The following PTPRE variants were observed in gnomAD, a reference collection of about 807,000 sequenced individuals.
PTPRE encodes receptor-type tyrosine-protein phosphatase epsilon.
PTPRE carries 51 observed loss-of-function variants against 102.0 expected under a neutral mutation model. That is an observed-to-expected ratio of 0.50 (90% CI 0.40 to 0.63). The LOEUF is 0.63. Ranked by LOEUF, PTPRE falls within the 30% of genes least tolerant of loss-of-function variation. The probability of loss-of-function intolerance (pLI) is 0.00; values close to 1 mark genes in which losing one functional copy is unlikely to be tolerated. For missense variants in PTPRE, 752 were observed against 915.1 expected, an observed-to-expected ratio of 0.82 and a Z score of 2.30; for synonymous variants, 345 against 348.2, an observed-to-expected ratio of 0.99 and a Z score of 0.10.
Position 128,008,172 on chromosome 10 carries a change from A to AAC in PTPRE, c.-8+25878_-8+25879dup, listed in dbSNP as rs1844658375. 6.6e-6 allele frequency among the ~76,000 whole-genome samples: 1 copy of AAC among 152,112 alleles called. No homozygotes were observed. Among genetic ancestry groups the AAC allele is most frequent in the Non-Finnish European group, 1.5e-5 (1 of 67,992 alleles). On this transcript the variant is annotated intron_variant, in intron 2 of 20. Coordinates refer to ENST00000254667, the MANE Select transcript of PTPRE (RefSeq NM_006504.6). The surrounding 1 kb of genome is among the most constrained non-coding windows in gnomAD (Gnocchi z 4.0). Reference sequence around the variant, plus strand: ...GCCCCTGGGAAAACTGCCCAAGGGAAACAGTGCATCCACCATCTCTGTCTG... The same window carrying AAC: ...GCCCCTGGGAAAACTGCCCAAGGGAAACACAGTGCATCCACCATCTCTGTCTG...
chr10:128,053,199 C>T (rs762628984), intron 6 of PTPRE, among the ~76,000 whole-genome samples: 6 of 152,082 alleles, frequency 3.9e-5, no homozygotes, highest in East Asian at 1.9e-4. Context: ...TGCAGTGAGT[C>T]GAGATCGCGC....
intron 6 of PTPRE, among the ~76,000 whole-genome samples, chr10:128,051,900 G>A (rs909489505): frequency 2.6e-5 from 4 of 152,166 alleles, no homozygotes; most frequent in African/African-American, 9.7e-5. Context: ...GTCTCGCTGT[G>A]TCTCCCAGGC....
At chr10:128,020,988 C>T (rs947959479) in intron 2 of PTPRE, among the ~76,000 whole-genome samples, 2 of 151,978 alleles carry the variant, frequency 1.3e-5, no homozygotes, top group African/African-American at 4.8e-5. Flanking sequence ...AGCTCCGCCT[C>T]CCAGGTTCAC....
In PTPRE at chr10:127,992,206, A is replaced by G. The variant is rs544573716; in HGVS notation, c.-8+9910A>G. Among the ~76,000 whole-genome samples, 41 of 152,196 alleles carry G rather than the reference A, an allele frequency of 2.7e-4. No individual in the cohort carries two copies. The South Asian group carries it at 8.5e-3, about 32-fold the overall frequency. On this transcript the variant is annotated intron_variant, in intron 2 of 20. Transcript: ENST00000254667. ...AGCACTCAGGAGTTAGTCATGGGGA[A>G]AACAACATGACCAGAAAAGGAGCAG...
intron 1 of PTPRE, among the ~76,000 whole-genome samples, chr10:127,950,775 G>T (rs888316592): frequency 9.5e-6 from 1 of 105,606 alleles, no homozygotes; most frequent in Non-Finnish European, 2.1e-5. Flanking sequence ...TAGATCTATG[G>T]CACTGGCTAG....
chr10:127,943,058 G>A (rs529077723), intron 1 of PTPRE, among the ~76,000 whole-genome samples: 1 of 152,256 alleles, frequency 6.6e-6, no homozygotes, highest in East Asian at 1.9e-4. Flanking sequence ...GTTTTCATGT[G>A]TTTTATTCTT....
chr10:127,925,449 G>A (rs977653078), intron 1 of PTPRE, among the ~76,000 whole-genome samples: 2 of 152,242 alleles, frequency 1.3e-5, no homozygotes, highest in Non-Finnish European at 1.5e-5. Flanking sequence ...GCAATATCCC[G>A]GATCTGACTG....
At chr10:127,973,926 C>G (rs906326451) in intron 1 of PTPRE, among the ~76,000 whole-genome samples, 2 of 152,198 alleles carry the variant, frequency 1.3e-5, no homozygotes, top group Non-Finnish European at 2.9e-5. Context: ...TGGCTGCCCC[C>G]TCCCCGGCCG....
chr10:128,045,901 G>A (rs186850322), intron 3 of PTPRE, among the ~76,000 whole-genome samples: 2 of 152,046 alleles, frequency 1.3e-5, no homozygotes, highest in African/African-American at 2.4e-5. Flanking sequence ...AGGACAGCCA[G>A]GCTGCCAGGC....
chr10:128,038,706 A>C lies in PTPRE; in HGVS notation c.-7-2169A>C, dbSNP rs947193226. Among the ~76,000 whole-genome samples, 35 of 152,256 alleles carry C rather than the reference A, an allele frequency of 2.3e-4. 1 individual carries two copies. Among genetic ancestry groups the C allele is most frequent in the African/African-American group, 8.2e-4 (34 of 41,558 alleles). On this transcript the variant is annotated intron_variant, in intron 2 of 20. Transcript: ENST00000254667. ...TAGCAATAGGAGATATACCTAGTGT[A>C]AATGACGAGTTAGTGGGTGCAGCAC...
rs1019144056 is a variant in PTPRE at position 128,066,016 on chromosome 10, G to T, written c.724-59G>T. The T allele has an allele frequency of 3.7e-6, 6 of 1,612,972 alleles. No individual in the cohort carries two copies. In the East Asian group the frequency reaches 6.7e-5, roughly 18 times the overall value. ...GAGGCCTTCTGTAGTTGGGTGGGGG[G>T]ATGTCATGATGCATTGCACCCACAG... is the stretch of plus-strand genomic sequence containing the variant. On this transcript the variant is annotated intron_variant, in intron 10 of 20. Transcript: ENST00000254667.
intron 2 of PTPRE, among the ~76,000 whole-genome samples, chr10:128,017,280 A>G (rs949798093): frequency 6.6e-6 from 1 of 152,118 alleles, no homozygotes; most frequent in African/African-American, 2.4e-5. Flanking sequence ...GGCGGGCATT[A>G]AGAACATTAA....
chr10:127,983,646 C>T (rs556534898), intron 2 of PTPRE, among the ~76,000 whole-genome samples: 3 of 152,322 alleles, frequency 2.0e-5, no homozygotes, highest in South Asian at 4.1e-4. Context: ...ATTTGAGTGT[C>T]AGATCCCACA....
chr10:128,057,911 C>G (rs1849138475), intron 7 of PTPRE, among the ~76,000 whole-genome samples: 1 of 152,182 alleles, frequency 6.6e-6, no homozygotes, highest in South Asian at 2.1e-4. Flanking sequence ...AGGAGGAGGT[C>G]TGAGATCTTT....
intron 2 of PTPRE, among the ~76,000 whole-genome samples, chr10:127,991,657 A>AT (rs1852673287): frequency 6.6e-6 from 1 of 152,220 alleles, no homozygotes; most frequent in African/African-American, 2.4e-5. Context: ...AATCCAATCC[A>AT]TTTGGGAAGT....
Position 128,065,989 on chromosome 10 carries a change from G to A in PTPRE, c.724-86G>A. On this transcript the variant is annotated intron_variant, in intron 10 of 20. Transcript: ENST00000254667. The stretch of plus-strand genomic sequence containing the variant: ...AGCTGTGTGACTCCAGCTGGTGTGT[G>A]TGAGGCCTTCTGTAGTTGGGTGGGG... The A allele has an allele frequency of 5.0e-6, 8 of 1,586,284 alleles. 1 individual carries two copies. In the South Asian group the frequency reaches 7.7e-5, roughly 15 times the overall value.
intron 2 of PTPRE, among the ~76,000 whole-genome samples, chr10:127,997,935 C>T (rs147217496): frequency 1.3e-4 from 20 of 152,292 alleles, no homozygotes; most frequent in African/African-American, 4.8e-4. Flanking sequence ...TGTCCCCATT[C>T]GTCATCACTG....
intron 1 of PTPRE, among the ~76,000 whole-genome samples, chr10:127,928,318 T>C: frequency 6.6e-6 from 1 of 152,254 alleles, no homozygotes; most frequent in Non-Finnish European, 1.5e-5. Flanking sequence ...CCTTGTTTCC[T>C]GTCCTGCTCC....
intron 6 of PTPRE, among the ~76,000 whole-genome samples, chr10:128,051,113 T>A (rs890740969): frequency 6.6e-6 from 1 of 152,138 alleles, no homozygotes. Context: ...ACTATCCAAG[T>A]TTTCAGCTAG....
Sources: gnomAD v4.1 joint callset for allele counts (sites outside exome capture counted in the v4.1 genomes callset) on GRCh38, gnomAD v4.1.1 for gene constraint, Gnocchi (gnomAD v3.1) non-coding constraint, MANE v1.5 for transcripts, NCBI Gene and HGNC (gene_info 2026-07-23, HGNC 2026-07-21) for gene names.